The following NRG3 variants were observed in gnomAD, a reference collection of about 807,000 sequenced individuals.
The protein encoded by NRG3 is pro-neuregulin-3, membrane-bound isoform.
A neutral mutation model predicts 66.9 loss-of-function variants in NRG3; 31 were observed. That is an observed-to-expected ratio of 0.46 (90% CI 0.35 to 0.63). The LOEUF (loss-of-function observed/expected upper bound fraction) is 0.63, where lower values mean the gene tolerates loss of function less well. Among genes scored for constraint, NRG3 ranks in the 20% least tolerant of loss-of-function variants. NRG3 has a pLI of 0.00. For synonymous variants in NRG3, 393 were observed against 359.4 expected, an observed-to-expected ratio of 1.09 and a Z score of -1.06; for missense variants, 910 against 878.9, an observed-to-expected ratio of 1.04 and a Z score of -0.45.
chr10:82,130,334 C>T (rs1476582856), intron 1 of NRG3, among the ~76,000 whole-genome samples: 1 of 151,876 alleles, frequency 6.6e-6, no homozygotes, highest in East Asian at 1.9e-4. Context: ...CCCATTAACT[C>T]GTCATTTACA....
At chr10:82,642,877 CTA>C (rs1177634903) in intron 2 of NRG3, among the ~76,000 whole-genome samples, 1 of 151,564 alleles carries the variant, frequency 6.6e-6, no homozygotes, top group African/African-American at 2.4e-5. Context: ...GTTTATGTGT[CTA>C]TGTGTATTAT....
chr10:82,092,776 T>C (rs746031876), intron 1 of NRG3, among the ~76,000 whole-genome samples: 2 of 152,180 alleles, frequency 1.3e-5, no homozygotes, highest in Non-Finnish European at 2.9e-5. Flanking sequence ...GGGCATTTTC[T>C]TGCAGCCCAG....
At chr10:81,971,987 T>A (rs1446161472) in intron 1 of NRG3, among the ~76,000 whole-genome samples, 1 of 152,140 alleles carries the variant, frequency 6.6e-6, no homozygotes, top group African/African-American at 2.4e-5. Context: ...CCAAAATGGT[T>A]AGTGGGAACA....
intron 2 of NRG3, among the ~76,000 whole-genome samples, chr10:82,693,000 CTG>C (rs1244600379): frequency 6.6e-6 from 1 of 152,168 alleles, no homozygotes; most frequent in African/African-American, 2.4e-5. Flanking sequence ...CCCCTCAACA[CTG>C]TTTGCTGCGC....
chr10:81,877,906 C>T, intron 1 of NRG3: 1 of 1,536,002 alleles, frequency 6.5e-7, no homozygotes, highest in Non-Finnish European at 8.7e-7. Flanking sequence ...GAAAATGAGT[C>T]TACCCTGAAG....
chr10:82,155,064 C>A (rs1489326823), intron 1 of NRG3, among the ~76,000 whole-genome samples: 1 of 151,728 alleles, frequency 6.6e-6, no homozygotes, highest in African/African-American at 2.4e-5. Context: ...GCTCTTTAAT[C>A]TTTCACCTAC....
chr10:82,358,182 G>A (rs978938436), intron 1 of NRG3, among the ~76,000 whole-genome samples: 2 of 152,070 alleles, frequency 1.3e-5, no homozygotes, highest in Non-Finnish European at 1.5e-5. Context: ...CTTCATATTT[G>A]AGAATCTGTT....
At chr10:82,513,818 A>G (rs576925451) in intron 2 of NRG3, among the ~76,000 whole-genome samples, 3 of 152,204 alleles carry the variant, frequency 2.0e-5, no homozygotes, top group South Asian at 4.1e-4. Context: ...TAGTTTTCCT[A>G]TTTCTCCACA....
intron 3 of NRG3, among the ~76,000 whole-genome samples, chr10:82,846,632 A>G (rs549890566): frequency 6.6e-6 from 1 of 152,322 alleles, no homozygotes; most frequent in African/African-American, 2.4e-5. Flanking sequence ...AGATTTTGAG[A>G]GTAATGTCAA....
At chr10:82,320,715 A>G (rs539554931) in intron 1 of NRG3, among the ~76,000 whole-genome samples, 76 of 152,304 alleles carry the variant, frequency 5.0e-4, no homozygotes, top group African/African-American at 1.8e-3. Flanking sequence ...TGGACAACAC[A>G]TAAGGAAATA....
Position 82,660,196 on chromosome 10 carries a change from C to CAAAAAAAAAA in NRG3, c.954-78351_954-78342dup, listed in dbSNP as rs58870828. ...GGGCGACAAGAGCAAAACTCCCTCTCAAAAAAAAAAAAAAAAAAAAAAAAA... is the reference window on the plus strand; with the variant it reads ...GGGCGACAAGAGCAAAACTCCCTCTCAAAAAAAAAAAAAAAAAAAAAAAAAAAAAAAAAAA... On this transcript the variant is annotated intron_variant, in intron 2 of 8. Transcript: ENST00000372141. Among the ~76,000 whole-genome samples, 43 of 19,560 alleles carry CAAAAAAAAAA rather than the reference C, an allele frequency of 2.2e-3. 2 individuals are homozygous for CAAAAAAAAAA. The highest frequency in any genetic ancestry group is 3.5e-3 in the Admixed American group (3 of 858). The allele number at this position is 19,560 out of a possible 152,430, so 12.8% of individuals were successfully genotyped here. A position where few individuals can be genotyped will look rare whatever the true frequency, so the allele number is the denominator to read the frequency against.
chr10:82,114,524 C>T (rs1010170043), intron 1 of NRG3, among the ~76,000 whole-genome samples: 8 of 152,032 alleles, frequency 5.3e-5, no homozygotes, highest in Admixed American at 2.0e-4. Flanking sequence ...TAAACAAACA[C>T]GTATACACAC....
intron 2 of NRG3, among the ~76,000 whole-genome samples, chr10:82,615,294 A>G (rs1336843135): frequency 6.6e-6 from 1 of 152,088 alleles, no homozygotes; most frequent in African/African-American, 2.4e-5. Flanking sequence ...ATAAAAGAAG[A>G]GGTCTGGCTG....
intron 4 of NRG3, among the ~76,000 whole-genome samples, chr10:82,898,924 A>C (rs1397107228): frequency 3.3e-5 from 5 of 151,622 alleles, no homozygotes. Context: ...TGTTAGCCAG[A>C]GGGTCTCAAT....
intron 2 of NRG3, among the ~76,000 whole-genome samples, chr10:82,695,950 C>G (rs569420208): frequency 1.5e-4 from 23 of 152,078 alleles, no homozygotes; most frequent in Non-Finnish European, 3.1e-4. Context: ...CATCTGTGGT[C>G]CAAGATGAAA....
chr10:82,068,368 A>C (rs573497234), intron 1 of NRG3, among the ~76,000 whole-genome samples: 1 of 152,308 alleles, frequency 6.6e-6, no homozygotes, highest in African/African-American at 2.4e-5. Context: ...CTTTTACAAA[A>C]ATTCATTGAT....
chr10:82,107,986 G>A (rs367652419), intron 1 of NRG3, among the ~76,000 whole-genome samples: 4 of 152,180 alleles, frequency 2.6e-5, no homozygotes, highest in East Asian at 1.9e-4. Context: ...CACGGCTGAC[G>A]CAGCCGTCTG....
At chr10:82,036,600 T>G (rs2062802350) in intron 1 of NRG3, among the ~76,000 whole-genome samples, 1 of 152,166 alleles carries the variant, frequency 6.6e-6, no homozygotes, top group Non-Finnish European at 1.5e-5. Flanking sequence ...TTTTTTAAAG[T>G]TGTAGTAAGT....
chr10:82,409,854 C>A (rs1275947669), intron 2 of NRG3, among the ~76,000 whole-genome samples: 2 of 152,138 alleles, frequency 1.3e-5, no homozygotes, highest in Non-Finnish European at 2.9e-5. Flanking sequence ...TTGATGCTGG[C>A]TGTCAGCTGG....
Sources: gnomAD v4.1 joint callset for allele counts (sites outside exome capture counted in the v4.1 genomes callset) on GRCh38, gnomAD v4.1.1 for gene constraint, MANE v1.5 for transcripts, NCBI Gene and HGNC (gene_info 2026-07-23, HGNC 2026-07-21) for gene names.